The following UBE4B variants were observed in gnomAD, a reference collection of about 807,000 sequenced individuals.
UBE4B encodes ubiquitin conjugation factor E4 B.
In UBE4B, 27 loss-of-function variants were observed where a neutral mutation model predicts 148.1. That is an observed-to-expected ratio of 0.18 (90% confidence interval 0.13 to 0.25). The LOEUF (loss-of-function observed/expected upper bound fraction) is 0.25. UBE4B is among the 10% of genes least tolerant of loss of function. The pLI, the probability that UBE4B is intolerant of heterozygous loss-of-function variation, is 1.00. For missense variants in UBE4B, 1,170 were observed against 1,662.4 expected, an observed-to-expected ratio of 0.70 and a Z score of 5.15; for synonymous variants, 596 against 619.3, an observed-to-expected ratio of 0.96 and a Z score of 0.56.
chr1:10,105,886 T>A lies in UBE4B; in HGVS notation c.809+142T>A, dbSNP rs1000162771. ...ATATTTGGGGAGGTGGATTTAGTCATTGGAAGTGGAATTCTCTTTTCTAGA... is the reference window on the plus strand; with the variant it reads ...ATATTTGGGGAGGTGGATTTAGTCAATGGAAGTGGAATTCTCTTTTCTAGA... On this transcript the variant is annotated intron_variant, in intron 6 of 27. Coordinates refer to ENST00000343090, the MANE Select transcript of UBE4B (RefSeq NM_001105562.3). 7 of 970,716 alleles carry A rather than the reference T, an allele frequency of 7.2e-6. No homozygotes were observed. In the East Asian group the frequency reaches 1.8e-4, roughly 26 times the overall value. 60.1% of individuals were successfully genotyped at this position (970,716 alleles called of 1,614,324 possible).
chr1:10,118,953 G>A (rs572055835), intron 8 of UBE4B, among the ~76,000 whole-genome samples: 5 of 125,456 alleles, frequency 4.0e-5, no homozygotes, highest in African/African-American at 1.6e-4. Context: ...TGCAATCTTG[G>A]CTCACTGCAA....
chr1:10,045,264 A>G (rs903466771), intron 1 of UBE4B, among the ~76,000 whole-genome samples: 3 of 152,174 alleles, frequency 2.0e-5, no homozygotes, highest in African/African-American at 4.8e-5. Context: ...GGACCCCCGC[A>G]TTAGGGAGCT....
At chr1:10,095,039 A>G (rs1644909265) in intron 2 of UBE4B, among the ~76,000 whole-genome samples, 1 of 152,270 alleles carries the variant, frequency 6.6e-6, no homozygotes, top group African/African-American at 2.4e-5. Flanking sequence ...TTGGCCTCCC[A>G]AAGTGCTGGG....
intron 1 of UBE4B, among the ~76,000 whole-genome samples, chr1:10,067,207 G>A (rs1367275807): frequency 6.6e-6 from 1 of 152,128 alleles, no homozygotes; most frequent in African/African-American, 2.4e-5. Flanking sequence ...GAACGTGAGG[G>A]TGGGAAGTGC....
intron 2 of UBE4B, among the ~76,000 whole-genome samples, chr1:10,084,505 T>C (rs1644732580): frequency 6.6e-6 from 1 of 151,998 alleles, no homozygotes; most frequent in Non-Finnish European, 1.5e-5. Flanking sequence ...ACTCTTAGTT[T>C]TGGGTGCATT....
chr1:10,136,791 C>T (rs1162265329), intron 16 of UBE4B, among the ~76,000 whole-genome samples: 1 of 151,900 alleles, frequency 6.6e-6, no homozygotes, highest in African/African-American at 2.4e-5. Context: ...TGGTAGCACA[C>T]GCCTGTAATC....
At chr1:10,121,921 A>G (rs1248387461) in intron 9 of UBE4B, 41 bp from the exon 10 acceptor site, 21 of 1,396,116 alleles carry the variant, frequency 1.5e-5, no homozygotes, top group Non-Finnish European at 2.1e-5. Flanking sequence ...CTCTGTAGTG[A>G]GTTGACTTCA....
intron 23 of UBE4B, among the ~76,000 whole-genome samples, chr1:10,167,109 G>A (rs1267595408): frequency 1.3e-5 from 2 of 151,746 alleles, no homozygotes; most frequent in Non-Finnish European, 2.9e-5. Context: ...TCTAGCCTGG[G>A]TGACAGAGGA....
At chr1:10,147,400 T>C (rs1008825726) in intron 19 of UBE4B, among the ~76,000 whole-genome samples, 8 of 151,914 alleles carry the variant, frequency 5.3e-5, no homozygotes, top group African/African-American at 1.9e-4. Flanking sequence ...GGCTGAGGCA[T>C]GAGAATCGTT....
At chr1:10,107,356 G>A in intron 7 of UBE4B, 2 of 1,288,818 alleles carry the variant, frequency 1.6e-6, no homozygotes, top group South Asian at 2.5e-5. Flanking sequence ...GATTTTTCTT[G>A]TGTCCAGTTT....
chr1:10,077,033 C>T (rs1644596036), intron 2 of UBE4B, among the ~76,000 whole-genome samples: 1 of 152,124 alleles, frequency 6.6e-6, no homozygotes, highest in Non-Finnish European at 1.5e-5. Context: ...GTGTGAGCTG[C>T]CACACCCAGC....
At chr1:10,152,280 T>C (rs1645989552) in intron 21 of UBE4B, among the ~76,000 whole-genome samples, 1 of 148,744 alleles carries the variant, frequency 6.7e-6, no homozygotes. Context: ...ATAATAATAA[T>C]AATAATAATA....
At chr1:10,111,578 C>T (rs1309286799) in intron 7 of UBE4B, among the ~76,000 whole-genome samples, 1 of 152,154 alleles carries the variant, frequency 6.6e-6, no homozygotes, top group African/African-American at 2.4e-5. Flanking sequence ...ACAGCAGTGC[C>T]TAGAACACAG....
chr1:10,046,646 C>G (rs1643917319), intron 1 of UBE4B, among the ~76,000 whole-genome samples: 1 of 152,134 alleles, frequency 6.6e-6, no homozygotes, highest in Admixed American at 6.5e-5. Context: ...GTGCCTGGCC[C>G]TCTGTAGCCT....
At position 10,168,332 on chromosome 1, in the gene UBE4B, A is replaced by G; in HGVS notation, c.3333+62A>G. 1 of 1,577,702 alleles carries G rather than the reference A, an allele frequency of 6.3e-7. No homozygotes were observed. On this transcript the variant is annotated intron_variant, in intron 24 of 27. Transcript: ENST00000343090. The surrounding 1 kb of genome is among the most constrained non-coding windows in gnomAD (Gnocchi z 4.9). ...ACTCCACATTCAGACTCTCTCACTT[A>G]TAACTTTAGCAGTTGTTGAAGTTCT...
intron 24 of UBE4B, chr1:10,170,924 A>C: frequency 2.4e-6 from 1 of 415,588 alleles, no homozygotes; most frequent in Non-Finnish European, 4.2e-6. Flanking sequence ...ATCAGCCTGC[A>C]ACATTCCATT....
At chr1:10,140,662 T>G (rs1258156883) in intron 17 of UBE4B, among the ~76,000 whole-genome samples, 5 of 152,248 alleles carry the variant, frequency 3.3e-5, no homozygotes, top group Non-Finnish European at 7.3e-5. Flanking sequence ...CCTTTGCTCC[T>G]GGCTTGCAGC....
intron 4 of UBE4B, 95 bp from the exon 5 acceptor site, chr1:10,102,853 T>G (rs1398665382): frequency 3.8e-6 from 5 of 1,313,418 alleles, no homozygotes; most frequent in Non-Finnish European, 5.2e-6. Context: ...ATATCATCAC[T>G]AATAATGAAT....
Position 10,100,280 on chromosome 1 carries a change from T to C in UBE4B, c.348-828T>C, listed in dbSNP as rs187597003. ...CTGGGATTACAGGTGTGAGCCATCG[T>C]GCCTGGCCTATTTTCTCAATTAAAT... On this transcript the variant is annotated intron_variant, in intron 3 of 27. Coordinates refer to ENST00000343090, the MANE Select transcript of UBE4B (RefSeq NM_001105562.3). 7.0e-3 allele frequency among the ~76,000 whole-genome samples: 1,073 copies of C among 152,202 alleles called. 15 individuals are homozygous for C. Among genetic ancestry groups the C allele is most frequent in the Non-Finnish European group, 9.4e-3 (640 of 68,004 alleles).
Sources: allele counts gnomAD v4.1 joint callset (sites outside exome capture counted in the v4.1 genomes callset), GRCh38; gene constraint gnomAD v4.1.1; non-coding constraint Gnocchi (gnomAD v3.1); transcripts MANE v1.5; gene names NCBI Gene and HGNC (gene_info 2026-07-23, HGNC 2026-07-21).